WWC1: variants seen among roughly 807,000 people sequenced by gnomAD.
WWC1 encodes protein KIBRA.
A neutral mutation model predicts 138.4 loss-of-function variants in WWC1; 55 were observed. The observed-to-expected ratio is 0.40, with a 90% CI of 0.32 to 0.50. The LOEUF is 0.50. WWC1 is among the 20% of genes least tolerant of loss of function. The pLI is 0.72. For synonymous variants in WWC1, 524 were observed against 564.9 expected (o/e 0.93, Z 1.03); for missense variants, 1,226 against 1,420.4 (o/e 0.86, Z 2.20).
intron 1 of WWC1, among the ~76,000 whole-genome samples, chr5:168,339,824 TTC>T (rs1773831407): frequency 1.0e-5 from 1 of 98,230 alleles, no homozygotes; most frequent in African/African-American, 3.3e-5. Flanking sequence ...CTTTCTTTCT[TTC>T]TTTCTTTTTC....
chr5:168,301,104 G>A (rs114136815), intron 1 of WWC1, among the ~76,000 whole-genome samples: 1 of 152,164 alleles, frequency 6.6e-6, no homozygotes, highest in African/African-American at 2.4e-5. Context: ...TGTCTGTCAC[G>A]TGCCAAACAC....
intron 1 of WWC1, among the ~76,000 whole-genome samples, chr5:168,302,784 G>C (rs1254256416): frequency 6.6e-6 from 1 of 152,150 alleles, no homozygotes; most frequent in Non-Finnish European, 1.5e-5. Context: ...ATATTTGTTG[G>C]ATAGTGTACC....
intron 2 of WWC1, among the ~76,000 whole-genome samples, chr5:168,372,689 G>A (rs4976597): frequency 2.6e-5 from 4 of 151,992 alleles, no homozygotes; most frequent in Non-Finnish European, 5.9e-5. Context: ...GGCTGGGATT[G>A]GAACTGGCCC....
chr5:168,441,798 G>A lies in WWC1; in HGVS notation c.2397G>A (p.Val799=). Residue 799 remains valine, a synonymous_variant, in exon 16 of 23, where the codon GTG becomes GTA. Transcript: ENST00000265293. ...AACAGAGCAGGGAGCTCAAGCCAGT[G>A]GGAGTCATGGCCCCTGCCTCAGGGC... ...LKKQSRELKP[V]GVMAPASGPA... 4 of 1,614,152 alleles carry A rather than the reference G, an allele frequency of 2.5e-6. No individual in the cohort carries two copies. The highest frequency in any genetic ancestry group is 1.7e-5 in the Admixed American group (1 of 60,024).
intron 15 of WWC1, among the ~76,000 whole-genome samples, chr5:168,438,865 G>C (rs1360991414): frequency 2.0e-5 from 3 of 151,958 alleles, no homozygotes; most frequent in Non-Finnish European, 4.4e-5. Context: ...TAGTCAGTCA[G>C]GTTAGTTTGT....
intron 1 of WWC1, among the ~76,000 whole-genome samples, chr5:168,300,291 T>G (rs1214766843): frequency 1.3e-5 from 2 of 151,266 alleles, no homozygotes; most frequent in Non-Finnish European, 2.9e-5. Flanking sequence ...AAAATAATAA[T>G]GGGGTGGCGG....
chr5:168,329,677 G>A (rs1326519839), intron 1 of WWC1, among the ~76,000 whole-genome samples: 2 of 152,204 alleles, frequency 1.3e-5, no homozygotes, highest in African/African-American at 2.4e-5. Flanking sequence ...GAATGAGAGA[G>A]AGTTAGGAAA....
chr5:168,436,927 G>T (rs560370110), intron 15 of WWC1, among the ~76,000 whole-genome samples: 3 of 152,236 alleles, frequency 2.0e-5, no homozygotes, highest in African/African-American at 2.4e-5. Context: ...CCATTCTTTT[G>T]CTAAAACCTT....
intron 1 of WWC1, among the ~76,000 whole-genome samples, chr5:168,352,140 G>A (rs954315070): frequency 1.3e-5 from 2 of 152,128 alleles, no homozygotes; most frequent in Non-Finnish European, 2.9e-5. Context: ...ACATTAACAC[G>A]CACGAGTCTT....
chr5:168,465,427 G>T (rs1373166299), intron 21 of WWC1, among the ~76,000 whole-genome samples: 1 of 151,256 alleles, frequency 6.6e-6, no homozygotes, highest in African/African-American at 2.4e-5. Flanking sequence ...GGATGCCCTG[G>T]AGTACAAGTC....
chr5:168,468,017 C>G (rs534148249), intron 22 of WWC1, 53 bp downstream of exon 22: 3 of 1,607,600 alleles, frequency 1.9e-6, no homozygotes, highest in South Asian at 2.2e-5. Flanking sequence ...AACCCACGGC[C>G]TTAGTCTTCT....
chr5:168,374,184 G>C (rs1776995049), intron 2 of WWC1, among the ~76,000 whole-genome samples: 1 of 152,176 alleles, frequency 6.6e-6, no homozygotes, highest in Non-Finnish European at 1.5e-5. Flanking sequence ...CGATACATGG[G>C]AGTACAAAAT....
chr5:168,433,545 C>T (rs1444565841), intron 15 of WWC1, among the ~76,000 whole-genome samples: 3 of 151,520 alleles, frequency 2.0e-5, no homozygotes, highest in Non-Finnish European at 4.4e-5. Flanking sequence ...CATGCATTAT[C>T]TGTTTTTTTT....
intron 1 of WWC1, among the ~76,000 whole-genome samples, chr5:168,302,735 CTCTCCTGTTTCA>C (rs1770208558): frequency 6.6e-6 from 1 of 152,148 alleles, no homozygotes; most frequent in Admixed American, 6.5e-5. Flanking sequence ...GTTTTTCTTC[CTCTCCTGTTTCA>C]TCTGGACACG....
intron 17 of WWC1, among the ~76,000 whole-genome samples, chr5:168,445,855 A>G (rs1009531130): frequency 1.3e-5 from 2 of 152,158 alleles, no homozygotes; most frequent in Non-Finnish European, 2.9e-5. Flanking sequence ...TTATAGCCCA[A>G]GATGGCTGCT....
chr5:168,450,633 T>C (rs1463543101), intron 17 of WWC1, among the ~76,000 whole-genome samples: 1 of 152,034 alleles, frequency 6.6e-6, no homozygotes, highest in Non-Finnish European at 1.5e-5. Context: ...ACCACTGCAC[T>C]CCAGCCTGGG....
chr5:168,448,705 G>A (rs545931946), intron 17 of WWC1, among the ~76,000 whole-genome samples: 11 of 143,336 alleles, frequency 7.7e-5, no homozygotes, highest in Admixed American at 3.0e-4. Context: ...TGCAAGCTCC[G>A]CCACCTGGGT....
Position 168,292,039 on chromosome 5 carries a change from C to T in WWC1, c.-114C>T. 1.5e-6 allele frequency: 2 copies of T among 1,310,010 alleles called. No individual in the cohort carries two copies. The highest frequency in any genetic ancestry group is 1.9e-5 in the South Asian group (1 of 51,468). The allele number at this position is 1,310,010 out of a possible 1,614,324, so 81.1% of individuals were successfully genotyped here. A position where few individuals can be genotyped will look rare whatever the true frequency, so the allele number is the denominator to read the frequency against. ...AGGGCCCCCCATCTGCGGGCGCCAC[C>T]CCCCGGATCATGGTGCCTCGGCGGC... On this transcript the variant is annotated 5_prime_UTR_variant, in exon 1 of 23. Coordinates refer to ENST00000265293, the MANE Select transcript of WWC1 (RefSeq NM_015238.3). This position sits in a 1 kb window ranked among gnomAD's most constrained non-coding sequence, Gnocchi z 4.4.
chr5:168,293,755 A>AGC (rs1310181420), intron 1 of WWC1, among the ~76,000 whole-genome samples: 3 of 152,208 alleles, frequency 2.0e-5, no homozygotes, highest in Non-Finnish European at 4.4e-5. Flanking sequence ...GACGTACATC[A>AGC]GCGCCCAACT....
Sources: gnomAD v4.1 joint callset for allele counts (sites outside exome capture counted in the v4.1 genomes callset) on GRCh38, gnomAD v4.1.1 for gene constraint, Gnocchi (gnomAD v3.1) non-coding constraint, MANE v1.5 for transcripts, NCBI Gene and HGNC (gene_info 2026-07-23, HGNC 2026-07-21) for gene names.